The following MSH4 variants were observed in gnomAD, a reference collection of about 807,000 sequenced individuals.
The protein encoded by MSH4 is mutS homolog 4, also known as mutS protein homolog 4.
In MSH4, 106 loss-of-function variants were observed where a neutral mutation model predicts 113.7. The ratio of observed to expected loss-of-function variants is 0.93; its 90% CI spans 0.80 to 1.10. The LOEUF (loss-of-function observed/expected upper bound fraction) is 1.10. Ranked by LOEUF, MSH4 falls within the 50% of genes least tolerant of loss-of-function variation. The pLI, the probability that MSH4 is intolerant of heterozygous loss-of-function variation, is 0.00. For missense variants in MSH4, 1,061 were observed against 1,093.7 expected (o/e 0.97, Z 0.42); for synonymous variants, 368 against 380.2 (o/e 0.97, Z 0.37).
chr1:75,873,886 G>A (rs996449256), intron 9 of MSH4, among the ~76,000 whole-genome samples: 12 of 152,076 alleles, frequency 7.9e-5, no homozygotes, highest in Non-Finnish European at 1.8e-4. Context: ...GAACATTCGT[G>A]TGCATTTGTC....
At chr1:75,868,347 C>A (rs79949741) in intron 9 of MSH4, among the ~76,000 whole-genome samples, 1 of 152,052 alleles carries the variant, frequency 6.6e-6, no homozygotes, top group Non-Finnish European at 1.5e-5. Flanking sequence ...GTGTAAATAA[C>A]CCAATCCTCA....
intron 17 of MSH4, among the ~76,000 whole-genome samples, chr1:75,895,090 C>T (rs1652341693): frequency 6.6e-6 from 1 of 151,996 alleles, no homozygotes; most frequent in South Asian, 2.1e-4. Context: ...GAGTATGCTT[C>T]CACCAAGAGA....
chr1:75,910,891 G>C, intron 19 of MSH4, among the ~76,000 whole-genome samples: 1 of 151,958 alleles, frequency 6.6e-6, no homozygotes, highest in South Asian at 2.1e-4. Context: ...GGACTATGCA[G>C]TAAGTTCTCT....
chr1:75,803,905 G>T lies in MSH4; in HGVS notation c.419G>T (p.Gly140Val). The change falls in exon 2 of 20, where the codon GGA (glycine) becomes GTA (valine). Residue 140 changes from glycine (G) to valine (V), a missense_variant. By Grantham distance (109) the Gly-to-Val change is moderately radical. Coordinates refer to ENST00000263187, the MANE Select transcript of MSH4 (RefSeq NM_002440.4). The part of the protein sequence containing the change: ...SGYKSWTPQV[G>V]YSASSSSAIS... ...TATAAGAGCTGGACACCACAAGTGGGATATTCAGGTAAAATAAGTGGAAGA... is the reference window on the plus strand; with the variant it reads ...TATAAGAGCTGGACACCACAAGTGGTATATTCAGGTAAAATAAGTGGAAGA... 6.7e-7 allele frequency: 1 copy of T among 1,489,202 alleles called. No individual in the cohort carries two copies. Among genetic ancestry groups the T allele is most frequent in the Non-Finnish European group, 8.9e-7 (1 of 1,119,260 alleles). The allele number at this position is 1,489,202 out of a possible 1,614,324, so 92.2% of individuals were successfully genotyped here. A position where few individuals can be genotyped will look rare whatever the true frequency, so the allele number is the denominator to read the frequency against.
rs1163812977 is a variant in MSH4 at position 75,841,202 on chromosome 1, G to A, written c.1163-7007G>A. ...CTCCCGCTTTCTCTTCTTTTTTTTT[G>A]TTCTCTCTCTCTTTCTTTCACAGGG... On this transcript the variant is annotated intron_variant, in intron 7 of 19. Coordinates refer to ENST00000263187, the MANE Select transcript of MSH4 (RefSeq NM_002440.4). Among the ~76,000 whole-genome samples the A allele has an allele frequency of 6.5e-4, 18 of 27,812 alleles. No homozygotes were observed. The South Asian group carries it at 0.018, about 28-fold the overall frequency. The allele number at this position is 27,812 out of a possible 152,430, so 18.2% of individuals were successfully genotyped here.
At chr1:75,827,350 A>G (rs1384075639) in intron 7 of MSH4, among the ~76,000 whole-genome samples, 2 of 152,158 alleles carry the variant, frequency 1.3e-5, no homozygotes, top group South Asian at 2.1e-4. Flanking sequence ...TTAAATATGG[A>G]AAGGAAAAAC....
chr1:75,814,417 A>G (rs1650252920), intron 4 of MSH4, among the ~76,000 whole-genome samples: 1 of 149,132 alleles, frequency 6.7e-6, no homozygotes, highest in Admixed American at 6.8e-5. Context: ...GTGAGCTATG[A>G]TCATGCCGCT....
chr1:75,808,224 T>C (rs1650110644), intron 3 of MSH4, among the ~76,000 whole-genome samples: 1 of 152,202 alleles, frequency 6.6e-6, no homozygotes, highest in African/African-American at 2.4e-5. Context: ...ACCATATTTA[T>C]GAAGCTTGGT....
At chr1:75,864,448 T>C (rs752300407) in intron 8 of MSH4, among the ~76,000 whole-genome samples, 1 of 152,214 alleles carries the variant, frequency 6.6e-6, no homozygotes, top group Non-Finnish European at 1.5e-5. Context: ...AAAATGTTTT[T>C]CAAAATGATT....
chr1:75,894,711 G>A (rs541758930), intron 17 of MSH4, among the ~76,000 whole-genome samples: 1 of 152,308 alleles, frequency 6.6e-6, no homozygotes, highest in Admixed American at 6.5e-5. Context: ...TTACTTCACA[G>A]CAAATGCAGT....
At chr1:75,801,844 T>G (rs1442311529) in intron 1 of MSH4, among the ~76,000 whole-genome samples, 1 of 152,062 alleles carries the variant, frequency 6.6e-6, no homozygotes, top group Non-Finnish European at 1.5e-5. Context: ...CACTCCAGTC[T>G]GGGCGACAAA....
rs777111354 is a variant in MSH4 at position 75,803,747 on chromosome 1, C to T, written c.261C>T (p.Asn87=). 4 of 1,577,048 alleles carry T rather than the reference C, an allele frequency of 2.5e-6. No homozygotes were observed. Among genetic ancestry groups the T allele is most frequent in the Non-Finnish European group, 2.6e-6 (3 of 1,166,934 alleles). ...SRPAQGSYFG[N]KRAYAENTVA... ...CAAATTTAGGTTCATACTTTGGAAA[C>T]AAAAGAGCTTATGCAGAAAACACAG... is the stretch of plus-strand genomic sequence containing the variant. Residue 87 remains asparagine, a synonymous_variant, in exon 2 of 20, where the codon AAC becomes AAT. Transcript: ENST00000263187.
rs201214931 is a variant in MSH4 at position 75,885,011 on chromosome 1, A to G, written c.2107+1190A>G. Among the ~76,000 whole-genome samples, 266 of 128,848 alleles carry G rather than the reference A, an allele frequency of 2.1e-3. 2 individuals carry two copies. Among genetic ancestry groups the G allele is most frequent in the African/African-American group, 7.6e-3 (253 of 33,080 alleles). 84.5% of individuals were successfully genotyped at this position (128,848 alleles called of 152,430 possible). A position where few individuals can be genotyped will look rare whatever the true frequency, so the allele number is the denominator to read the frequency against. Reference sequence around the variant, plus strand: ...TATGTGTATATATATGTGTGTGTGTATGTGTGTATATATATATATGTGTGT... The same window carrying G: ...TATGTGTATATATATGTGTGTGTGTGTGTGTGTATATATATATATGTGTGT... On this transcript the variant is annotated intron_variant, in intron 15 of 19. Coordinates refer to ENST00000263187, the MANE Select transcript of MSH4 (RefSeq NM_002440.4).
chr1:75,911,681 G>A (rs548062067), intron 19 of MSH4, among the ~76,000 whole-genome samples: 2 of 152,152 alleles, frequency 1.3e-5, no homozygotes, highest in South Asian at 4.1e-4. Context: ...ATAGATGATA[G>A]TAGATATTCA....
chr1:75,808,882 G>A (rs1028663066), intron 3 of MSH4, among the ~76,000 whole-genome samples: 1 of 152,014 alleles, frequency 6.6e-6, no homozygotes, highest in African/African-American at 2.4e-5. Flanking sequence ...GATCTATCAG[G>A]TAGAGATAGT....
intron 8 of MSH4, among the ~76,000 whole-genome samples, chr1:75,856,862 C>A (rs1022980082): frequency 1.3e-5 from 2 of 152,180 alleles, no homozygotes; most frequent in Non-Finnish European, 2.9e-5. Context: ...GGAATCATCA[C>A]ACTGTCTTCC....
At chr1:75,813,020 C>T (rs1399601221) in intron 4 of MSH4, among the ~76,000 whole-genome samples, 1 of 152,194 alleles carries the variant, frequency 6.6e-6, no homozygotes, top group Admixed American at 6.5e-5. Flanking sequence ...TCACTACTCT[C>T]ATTCCCCATA....
chr1:75,857,180 G>A (rs887678263), intron 8 of MSH4, among the ~76,000 whole-genome samples: 1 of 152,068 alleles, frequency 6.6e-6, no homozygotes, highest in African/African-American at 2.4e-5. Context: ...TCTAGATTCT[G>A]GATGTTAGCC....
intron 19 of MSH4, among the ~76,000 whole-genome samples, chr1:75,906,360 A>C (rs972089085): frequency 7.3e-6 from 1 of 137,350 alleles, no homozygotes; most frequent in Non-Finnish European, 1.5e-5. Flanking sequence ...GTTGTTTTGT[A>C]AGTGCTCTCT....
Sources: gnomAD v4.1 joint callset for allele counts (sites outside exome capture counted in the v4.1 genomes callset) on GRCh38, gnomAD v4.1.1 for gene constraint, MANE v1.5 for transcripts, NCBI Gene and HGNC (gene_info 2026-07-23, HGNC 2026-07-21) for gene names.